Variants in EFCAB7 observed in about 807,000 individuals in gnomAD.
EFCAB7 encodes the protein EF-hand calcium-binding domain-containing protein 7.
A neutral mutation model predicts 77.1 loss-of-function variants in EFCAB7; 66 were observed. The observed-to-expected ratio is 0.86, with a 90% CI of 0.70 to 1.05. The LOEUF is 1.05. Among genes scored for constraint, EFCAB7 ranks in the 50% least tolerant of loss-of-function variants. EFCAB7 has a pLI of 0.00. For synonymous variants in EFCAB7, 225 were observed against 243.3 expected (o/e 0.92, Z 0.70); for missense variants, 638 against 730.5 (o/e 0.87, Z 1.46).
the EFCAB7 span, among the ~76,000 whole-genome samples, chr1:63,580,362 A>G: frequency 6.6e-6 from 1 of 152,114 alleles, no homozygotes; most frequent in Admixed American, 6.6e-5. Context: ...TTGTTGAAAA[A>G]TTCACTGGTC....
chr1:63,552,141 G>A (rs1161979920), intron 8 of EFCAB7, among the ~76,000 whole-genome samples: 3 of 152,000 alleles, frequency 2.0e-5, no homozygotes, highest in Non-Finnish European at 4.4e-5. Flanking sequence ...GATTACTTGA[G>A]CCCAGGAGTT....
At position 63,545,986 on chromosome 1, in the gene EFCAB7, A is replaced by G. The variant is rs41313264; in HGVS notation, c.875A>G (p.Tyr292Cys). ...GATGGTGAAATCATTAGTCATCAGT[A>G]CAGGATGCAAATAGCTCAGAGGTCC... ...EEDGEIISHQ[Y>C]RMQIAQRSMV... Residue 292 changes from tyrosine to cysteine, a missense_variant, in exon 7 of 14, where the codon TAC becomes TGC. Coordinates refer to ENST00000371088, the MANE Select transcript of EFCAB7 (RefSeq NM_032437.4). 9.3e-3 allele frequency: 14,985 copies of G among 1,613,768 alleles called. 89 individuals are homozygous for G. Among genetic ancestry groups the G allele is most frequent in the Non-Finnish European group, 0.012 (13,651 of 1,179,696 alleles).
intron 7 of EFCAB7, among the ~76,000 whole-genome samples, chr1:63,546,608 T>G (rs1409121763): frequency 6.6e-6 from 1 of 152,168 alleles, no homozygotes; most frequent in South Asian, 2.1e-4. Flanking sequence ...CCTCAGGTGA[T>G]CCACCCGCTT....
At chr1:63,555,715 T>A (rs1356967856) in intron 9 of EFCAB7, among the ~76,000 whole-genome samples, 200 bp downstream of exon 9, 1 of 152,088 alleles carries the variant, frequency 6.6e-6, no homozygotes, top group African/African-American at 2.4e-5. Flanking sequence ...AAATACTGCA[T>A]GATCTCACTT....
intron 10 of EFCAB7, 30 bp from the exon 11 acceptor site, chr1:63,561,679 G>A: frequency 6.8e-7 from 1 of 1,471,992 alleles, no homozygotes; most frequent in Middle Eastern, 1.9e-4. Context: ...TTTAAATTAT[G>A]TAAGAAAAAA....
At chr1:63,569,175 C>G (rs975728447) in intron 12 of EFCAB7, 1 of 152,010 alleles carries the variant, frequency 6.6e-6, no homozygotes, top group Non-Finnish European at 1.5e-5. Flanking sequence ...CTTTTAGGTC[C>G]TACGTGAGAC....
At chr1:63,541,832 G>A (rs1215780013) in intron 6 of EFCAB7, among the ~76,000 whole-genome samples, 1 of 152,018 alleles carries the variant, frequency 6.6e-6, no homozygotes, top group Non-Finnish European at 1.5e-5. Context: ...CAAAGTGCTG[G>A]GATTCCAGGA....
chr1:63,543,725 GTTA>G (rs1241361152), intron 6 of EFCAB7, among the ~76,000 whole-genome samples: 2 of 152,070 alleles, frequency 1.3e-5, no homozygotes, highest in African/African-American at 4.8e-5. Context: ...CATTTATGAT[GTTA>G]TTATTATACA....
intron 11 of EFCAB7, among the ~76,000 whole-genome samples, chr1:63,562,448 TTTA>T (rs1647115250): frequency 8.9e-5 from 4 of 44,890 alleles, no homozygotes; most frequent in African/African-American, 3.6e-4. Context: ...TCTTAATTTA[TTTA>T]TATATATATA....
chr1:63,531,963 T>C lies in EFCAB7; in HGVS notation c.331T>C (p.Phe111Leu). 6.2e-7 allele frequency: 1 copy of C among 1,612,674 alleles called. No homozygotes were observed. The highest frequency in any genetic ancestry group is 8.5e-7 in the Non-Finnish European group (1 of 1,179,102). Residue 111 changes from phenylalanine to leucine, a missense_variant, in exon 3 of 14, where the codon TTT becomes CTT. Coordinates refer to ENST00000371088, the MANE Select transcript of EFCAB7 (RefSeq NM_032437.4). ...TTCAAAAGCAGAACTACTAAAATCATTTAAGCAATTAGATGTAAATGATGA... is the reference window on the plus strand; with the variant it reads ...TTCAAAAGCAGAACTACTAAAATCACTTAAGCAATTAGATGTAAATGATGA... ...PTSKAELLKSFKQLDVNDDGC... is the reference protein window; with the variant it reads ...PTSKAELLKSLKQLDVNDDGC...
intron 10 of EFCAB7, among the ~76,000 whole-genome samples, chr1:63,558,788 A>T (rs1017892607): frequency 2.0e-5 from 3 of 151,704 alleles, no homozygotes; most frequent in African/African-American, 4.8e-5. Flanking sequence ...TTTGAGATGG[A>T]GTCTCACACT....
chr1:63,572,960 TC>T (rs918178949), downstream of EFCAB7, among the ~76,000 whole-genome samples: 5 of 152,056 alleles, frequency 3.3e-5, no homozygotes, highest in African/African-American at 7.3e-5. Flanking sequence ...CAAGGTAATG[TC>T]ATCAGTTAAG....
Position 63,532,654 on chromosome 1 carries a change from TG to T in EFCAB7, c.400-15del, listed in dbSNP as rs1381994587. On this transcript the variant is annotated splice_polypyrimidine_tract_variant and intron_variant, in intron 3 of 13. Transcript: ENST00000371088. ...AATCATGTTGCTTTAAAATAAATCTTGTTTTTTTTTTTCAGAGAGGTGAGAA... is the reference window on the plus strand; with the variant it reads ...AATCATGTTGCTTTAAAATAAATCTTTTTTTTTTTTTCAGAGAGGTGAGAA... 7 of 1,554,962 alleles carry T rather than the reference TG, an allele frequency of 4.5e-6. No individual in the cohort carries two copies. Among genetic ancestry groups the T allele is most frequent in the East Asian group, 2.3e-5 (1 of 44,198 alleles).
chr1:63,576,641 G>A (rs1163603896), downstream of EFCAB7, among the ~76,000 whole-genome samples: 2 of 151,136 alleles, frequency 1.3e-5, no homozygotes, highest in East Asian at 3.9e-4. Flanking sequence ...CCAACCTGGT[G>A]AAAGCCCCGT....
chr1:63,535,024 T>A (rs539919575), intron 6 of EFCAB7, among the ~76,000 whole-genome samples: 5 of 152,152 alleles, frequency 3.3e-5, no homozygotes, highest in Non-Finnish European at 7.4e-5. Context: ...TCATACACAA[T>A]ATTTAGTGTT....
At chr1:63,569,235 C>T (rs1227502006) in intron 12 of EFCAB7, 2 of 152,026 alleles carry the variant, frequency 1.3e-5, no homozygotes, top group Non-Finnish European at 2.9e-5. Flanking sequence ...GATGTGGCAG[C>T]GTTTTTAGTC....
intron 11 of EFCAB7, 86 bp from the exon 12 acceptor site, chr1:63,568,224 T>C (rs1404445370): frequency 8.6e-7 from 1 of 1,156,156 alleles, no homozygotes; most frequent in African/African-American, 1.6e-5. Flanking sequence ...CTAGAAGGTA[T>C]AGCATATCTT....
chr1:63,559,687 C>T (rs1647072170), intron 10 of EFCAB7, among the ~76,000 whole-genome samples: 1 of 151,936 alleles, frequency 6.6e-6, no homozygotes, highest in African/African-American at 2.4e-5. Flanking sequence ...GTCTCAAACC[C>T]CTGGAGGGTT....
chr1:63,560,250 C>T (rs1647080753), intron 10 of EFCAB7, among the ~76,000 whole-genome samples: 1 of 152,006 alleles, frequency 6.6e-6, no homozygotes, highest in Admixed American at 6.6e-5. Flanking sequence ...CTGCGCCTGG[C>T]CCAAGTGTTA....
Sources: allele counts gnomAD v4.1 joint callset (sites outside exome capture counted in the v4.1 genomes callset), GRCh38; gene constraint gnomAD v4.1.1; transcripts MANE v1.5; gene names NCBI Gene and HGNC (gene_info 2026-07-23, HGNC 2026-07-21).